The following CNTN4 variants were observed in gnomAD, a reference collection of about 807,000 sequenced individuals.
CNTN4 encodes the protein contactin 4.
In CNTN4, 77 loss-of-function variants were observed where a neutral mutation model predicts 122.5. The ratio of observed to expected loss-of-function variants is 0.63; its 90% CI spans 0.52 to 0.76. The LOEUF is 0.76. CNTN4 is among the 30% of genes least tolerant of loss of function. CNTN4 has a pLI of 0.00. For synonymous variants in CNTN4, 512 were observed against 447.0 expected (o/e 1.15, Z -1.83); for missense variants, 1,256 against 1,259.1 (o/e 1.00, Z 0.04).
chr3:2,167,079 T>C (rs1020510836), intron 2 of CNTN4, among the ~76,000 whole-genome samples: 2 of 151,438 alleles, frequency 1.3e-5, no homozygotes, highest in Non-Finnish European at 2.9e-5. Flanking sequence ...AATTTAAAAA[T>C]ATATATGCAA....
At chr3:2,757,997 G>A (rs920584528) in intron 6 of CNTN4, among the ~76,000 whole-genome samples, 2 of 152,078 alleles carry the variant, frequency 1.3e-5, no homozygotes, top group Non-Finnish European at 2.9e-5. Context: ...TTTCAGATTT[G>A]TTCATTTGTT....
intron 4 of CNTN4, among the ~76,000 whole-genome samples, chr3:2,590,567 C>T (rs1419852664): frequency 2.6e-5 from 4 of 151,892 alleles, no homozygotes; most frequent in African/African-American, 9.7e-5. Context: ...GAGATCTTTT[C>T]AAGGCATATA....
rs969128282 is a variant in CNTN4, at chr3:2,377,025, G to T, written c.-89+37792G>T. On this transcript the variant is annotated intron_variant, in intron 3 of 24. Coordinates refer to ENST00000418658, the MANE Select transcript of CNTN4 (RefSeq NM_175607.3). ...ACAAAAATTAGCCAGGCATAGTGGA[G>T]CACACCTGTAGTCCCAGCTACTTGG... Among the ~76,000 whole-genome samples the T allele has an allele frequency of 5.3e-5, 8 of 152,072 alleles. 1 individual carries two copies. Among genetic ancestry groups the T allele is most frequent in the African/African-American group, 1.9e-4 (8 of 41,428 alleles).
At chr3:2,781,376 T>A (rs1576766427) in intron 6 of CNTN4, among the ~76,000 whole-genome samples, 1 of 152,232 alleles carries the variant, frequency 6.6e-6, no homozygotes, top group Admixed American at 6.5e-5. Context: ...AGCATAATAC[T>A]ATGCTGTGAA....
intron 2 of CNTN4, among the ~76,000 whole-genome samples, chr3:2,131,001 A>G (rs1019000261): frequency 2.6e-5 from 4 of 152,178 alleles, no homozygotes; most frequent in Non-Finnish European, 4.4e-5. Context: ...AGCGTTTTGC[A>G]TATTGGAACT....
chr3:2,811,798 C>G (rs1258377737), intron 6 of CNTN4, among the ~76,000 whole-genome samples: 2 of 93,554 alleles, frequency 2.1e-5, no homozygotes, highest in Admixed American at 9.1e-5. Context: ...TCCAGAGCAG[C>G]TGGGACTACA....
At chr3:3,052,812 C>T (rs1320663952) in intron 23 of CNTN4, among the ~76,000 whole-genome samples, 2 of 152,128 alleles carry the variant, frequency 1.3e-5, no homozygotes, top group Non-Finnish European at 2.9e-5. Flanking sequence ...AAGTGGGGTT[C>T]CAGAGGAAAG....
At chr3:2,516,477 T>G (rs545282824) in intron 3 of CNTN4, among the ~76,000 whole-genome samples, 1 of 152,122 alleles carries the variant, frequency 6.6e-6, no homozygotes. Flanking sequence ...ATCTAGTACC[T>G]CTGTTGACTT....
chr3:2,165,358 T>C (rs2036151259), intron 2 of CNTN4, among the ~76,000 whole-genome samples: 1 of 151,266 alleles, frequency 6.6e-6, no homozygotes, highest in South Asian at 2.1e-4. Flanking sequence ...AACCACCTAA[T>C]GAGATTTTCT....
intron 3 of CNTN4, among the ~76,000 whole-genome samples, chr3:2,340,187 C>T (rs2044128760): frequency 6.6e-6 from 1 of 152,078 alleles, no homozygotes; most frequent in South Asian, 2.1e-4. Context: ...CTTTTAGGGA[C>T]ATCTAATTCA....
At chr3:2,252,217 C>T (rs1011135748) in intron 2 of CNTN4, among the ~76,000 whole-genome samples, 4 of 151,906 alleles carry the variant, frequency 2.6e-5, no homozygotes, top group Non-Finnish European at 5.9e-5. Flanking sequence ...AGTGGTGAAA[C>T]TATACTCTTG....
At chr3:2,225,008 GTT>G (rs1175799854) in intron 2 of CNTN4, among the ~76,000 whole-genome samples, 4 of 151,536 alleles carry the variant, frequency 2.6e-5, no homozygotes, top group Admixed American at 1.3e-4. Flanking sequence ...AAATTAGCCG[GTT>G]GCGGTGGCGG....
chr3:2,848,864 CAGCCAGACGACATAGGTCT>C (rs1486410865), intron 7 of CNTN4, among the ~76,000 whole-genome samples: 53 of 152,322 alleles, frequency 3.5e-4, no homozygotes, highest in African/African-American at 1.3e-3. Flanking sequence ...GCTGATTGGG[CAGCCAGACGACATAGGTCT>C]ATTCCTGGAG....
intron 7 of CNTN4, among the ~76,000 whole-genome samples, chr3:2,855,115 G>T (rs993461844): frequency 6.6e-6 from 1 of 152,152 alleles, no homozygotes; most frequent in African/African-American, 2.4e-5. Flanking sequence ...TGTTGCTATG[G>T]GGTTAAATAC....
At chr3:2,418,658 A>T (rs556531548) in intron 3 of CNTN4, among the ~76,000 whole-genome samples, 1 of 152,226 alleles carries the variant, frequency 6.6e-6, no homozygotes, top group Non-Finnish European at 1.5e-5. Context: ...ACTTTTGTAA[A>T]GCACATCCAG....
At chr3:2,157,856 T>A (rs2035789932) in intron 2 of CNTN4, among the ~76,000 whole-genome samples, 2 of 152,228 alleles carry the variant, frequency 1.3e-5, no homozygotes, top group South Asian at 4.1e-4. Flanking sequence ...CACACATAGC[T>A]ATCAAATAAA....
chr3:2,340,726 G>GAGAGAGAC (rs1559468396), intron 3 of CNTN4, among the ~76,000 whole-genome samples: 5 of 114,896 alleles, frequency 4.4e-5, no homozygotes, highest in African/African-American at 1.1e-4. Context: ...GAGAGAGAGA[G>GAGAGAGAC]AGAGAGAGAG....
rs868051991 is a variant in CNTN4, at chr3:2,722,254, G to T, written c.56-13961G>T. On this transcript the variant is annotated intron_variant, in intron 4 of 24. Coordinates refer to ENST00000418658, the MANE Select transcript of CNTN4 (RefSeq NM_175607.3). ...TAAATTACTTAATCTGCTTCCCACAGCCTAGAATGTGAGCTCCTTGGACAG... is the reference window on the plus strand; with the variant it reads ...TAAATTACTTAATCTGCTTCCCACATCCTAGAATGTGAGCTCCTTGGACAG... Among the ~76,000 whole-genome samples the T allele has an allele frequency of 2.3e-4, 35 of 152,146 alleles. 1 individual carries two copies. Among genetic ancestry groups the T allele is most frequent in the African/African-American group, 7.2e-4 (30 of 41,438 alleles).
At chr3:2,823,058 G>A (rs1055578580) in intron 7 of CNTN4, among the ~76,000 whole-genome samples, 1 of 152,306 alleles carries the variant, frequency 6.6e-6, no homozygotes, top group East Asian at 1.9e-4. Flanking sequence ...GGGAAACAAT[G>A]ATTATCTGAT....
Sources: allele counts gnomAD v4.1 joint callset (sites outside exome capture counted in the v4.1 genomes callset), GRCh38; gene constraint gnomAD v4.1.1; transcripts MANE v1.5; gene names NCBI Gene and HGNC (gene_info 2026-07-23, HGNC 2026-07-21).